The following RNFT2 variants were observed in gnomAD, a reference collection of about 807,000 sequenced individuals.
RNFT2 encodes E3 ubiquitin-protein ligase RNFT2.
RNFT2 carries 36 observed loss-of-function variants against 53.0 expected under a neutral mutation model. The observed-to-expected ratio is 0.68, with a 90% CI of 0.52 to 0.90. RNFT2 has a LOEUF of 0.90. Ranked by LOEUF, RNFT2 falls within the 40% of genes least tolerant of loss-of-function variation. The pLI is 0.00. For synonymous variants in RNFT2, 260 were observed against 253.2 expected (o/e 1.03, Z -0.26); for missense variants, 514 against 585.6 (o/e 0.88, Z 1.26).
At chr12:116,845,243 C>CAAAAA (rs66920809) in intron 10 of RNFT2, among the ~76,000 whole-genome samples, 3,206 of 82,600 alleles carry the variant, frequency 0.039, 87 homozygotes, top group African/African-American at 0.079. Context: ...GACCCGGTTT[C>CAAAAA]AAAAAAAAAA....
At chr12:116,842,469 T>C (rs867787954) in intron 10 of RNFT2, among the ~76,000 whole-genome samples, 35 of 152,316 alleles carry the variant, frequency 2.3e-4, no homozygotes, top group Middle Eastern at 6.8e-3. Flanking sequence ...TGAGTCTCAC[T>C]GACCTGTCTG....
intron 7 of RNFT2, among the ~76,000 whole-genome samples, chr12:116,787,518 C>A (rs1304769886): frequency 6.6e-6 from 1 of 152,002 alleles, no homozygotes; most frequent in Non-Finnish European, 1.5e-5. Flanking sequence ...CTAGCCTGGG[C>A]AACACAGCAA....
chr12:116,751,790 C>T (rs1872264891), intron 4 of RNFT2, among the ~76,000 whole-genome samples: 1 of 151,792 alleles, frequency 6.6e-6, no homozygotes, highest in African/African-American at 2.4e-5. Flanking sequence ...GATGGAGTCT[C>T]ACTCTGTCAC....
intron 7 of RNFT2, among the ~76,000 whole-genome samples, chr12:116,816,905 T>C (rs1197291527): frequency 1.3e-5 from 2 of 152,240 alleles, no homozygotes; most frequent in Non-Finnish European, 2.9e-5. Flanking sequence ...CTTGTGTATA[T>C]CTCCTGGGTT....
chr12:116,784,320 T>G (rs1873839134), intron 7 of RNFT2, among the ~76,000 whole-genome samples: 1 of 152,210 alleles, frequency 6.6e-6, no homozygotes, highest in Non-Finnish European at 1.5e-5. Flanking sequence ...CCTCTTACAA[T>G]TCCCCAGTTC....
rs1397999807 is a variant in RNFT2, at chr12:116,841,870, AAT to A, written c.1200+5598_1200+5599del. 2.3e-4 allele frequency among the ~76,000 whole-genome samples: 6 copies of A among 25,794 alleles called. 1 individual carries two copies. The highest frequency in any genetic ancestry group is 4.5e-4 in the Non-Finnish European group (5 of 11,232). The allele number at this position is 25,794 out of a possible 152,430, so 16.9% of individuals were successfully genotyped here. ...AAATATATATAAAAATATATATATA[AAT>A]ATATATATAAATATATATAAAAATA... On this transcript the variant is annotated intron_variant, in intron 10 of 10. Coordinates refer to ENST00000257575, the MANE Select transcript of RNFT2 (RefSeq NM_001382266.1).
chr12:116,816,424 G>A (rs1435999099), intron 7 of RNFT2, among the ~76,000 whole-genome samples: 1 of 152,184 alleles, frequency 6.6e-6, no homozygotes, highest in Non-Finnish European at 1.5e-5. Flanking sequence ...TGGCCCCTGG[G>A]ACCATAGCAC....
In RNFT2 at chr12:116,850,718, C is replaced by G. The variant is rs996910284; in HGVS notation, c.*1270C>G. The G allele has an allele frequency of 1.3e-5, 2 of 151,400 alleles. No homozygotes were observed. Among genetic ancestry groups the G allele is most frequent in the African/African-American group, 4.9e-5 (2 of 41,082 alleles). 9.4% of individuals were successfully genotyped at this position (151,400 alleles called of 1,614,324 possible). Reference sequence around the variant, plus strand: ...TCTTGGCTCACTGCAACCTCCGCCTCCCGGGTTCAAGTGATTCTCCTGCCT... The same window carrying G: ...TCTTGGCTCACTGCAACCTCCGCCTGCCGGGTTCAAGTGATTCTCCTGCCT... On this transcript the variant is annotated 3_prime_UTR_variant, in exon 11 of 11. Transcript: ENST00000257575.
chr12:116,740,140 G>C (rs554238475), intron 1 of RNFT2, among the ~76,000 whole-genome samples: 38 of 152,008 alleles, frequency 2.5e-4, no homozygotes, highest in Non-Finnish European at 4.3e-4. Flanking sequence ...CTTGAACCTG[G>C]GAGGCAGAGG....
At chr12:116,805,870 G>T (rs544282827) in intron 7 of RNFT2, among the ~76,000 whole-genome samples, 1 of 152,160 alleles carries the variant, frequency 6.6e-6, no homozygotes, top group Admixed American at 6.6e-5. Flanking sequence ...GTTCACCCAG[G>T]ATATCAAGGA....
intron 7 of RNFT2, among the ~76,000 whole-genome samples, chr12:116,784,263 T>C (rs915425964): frequency 6.6e-6 from 1 of 152,238 alleles, no homozygotes; most frequent in Admixed American, 6.5e-5. Flanking sequence ...TGGCTCTCAC[T>C]GCAGCTCACG....
chr12:116,827,112 C>T (rs1392821065), intron 7 of RNFT2, among the ~76,000 whole-genome samples: 1 of 151,310 alleles, frequency 6.6e-6, no homozygotes, highest in Non-Finnish European at 1.5e-5. Flanking sequence ...CCCAGCTACT[C>T]AGGAGGCTGA....
intron 7 of RNFT2, among the ~76,000 whole-genome samples, chr12:116,804,828 A>C (rs961919628): frequency 3.9e-5 from 6 of 152,192 alleles, no homozygotes; most frequent in Non-Finnish European, 7.3e-5. Context: ...TTAGCCAGGC[A>C]TGGTGGTACA....
chr12:116,792,206 C>T (rs1178291185), intron 7 of RNFT2, among the ~76,000 whole-genome samples: 10 of 151,642 alleles, frequency 6.6e-5, no homozygotes, highest in Admixed American at 5.9e-4. Flanking sequence ...TGCACCACCA[C>T]GCCCAGCTAA....
chr12:116,849,439 G>A lies in RNFT2; in HGVS notation c.1326G>A (p.Gln442=). The A allele has an allele frequency of 1.3e-6, 2 of 1,594,666 alleles. No individual in the cohort carries two copies. Among genetic ancestry groups the A allele is most frequent in the Middle Eastern group, 3.3e-4 (2 of 6,046 alleles). Residue 442 remains glutamine, a synonymous_variant, in exon 11 of 11, where the codon CAG becomes CAA. Transcript: ENST00000257575. ...ACGGCGCCACGTCCGCACACTTCCA[G>A]GTGTACTAGGACCGAACACTGAGGA... ...WKDGATSAHF[Q]VY is the part of the protein sequence containing the mutation.
In RNFT2 at chr12:116,761,618, A is replaced by G. The variant is rs147048841; in HGVS notation, c.628-5196A>G. On this transcript the variant is annotated intron_variant, in intron 5 of 10. Coordinates refer to ENST00000257575, the MANE Select transcript of RNFT2 (RefSeq NM_001382266.1). ...TTGCTCATCTCAGCAGGTTCATCCC[A>G]GCAACCTGGGAGGGAAACAAAATCA... 2.6e-5 allele frequency among the ~76,000 whole-genome samples: 4 copies of G among 152,296 alleles called. No individual in the cohort carries two copies. The East Asian group carries it at 7.7e-4, about 29-fold the overall frequency.
At chr12:116,775,261 CAAA>C (rs5801198) in intron 6 of RNFT2, among the ~76,000 whole-genome samples, 12 of 116,760 alleles carry the variant, frequency 1.0e-4, no homozygotes, top group Middle Eastern at 4.3e-3. Flanking sequence ...ACTCCCGTCT[CAAA>C]AAAAAAAAAA....
At chr12:116,758,393 ATTTT>A (rs968119935) in intron 5 of RNFT2, among the ~76,000 whole-genome samples, 10 of 151,616 alleles carry the variant, frequency 6.6e-5, no homozygotes, top group African/African-American at 2.4e-4. Context: ...TGGTTTTTTC[ATTTT>A]TTGTTTTTGC....
chr12:116,791,051 A>G (rs1874209069), intron 7 of RNFT2, among the ~76,000 whole-genome samples: 1 of 152,184 alleles, frequency 6.6e-6, no homozygotes, highest in South Asian at 2.1e-4. Context: ...GTGTTGTACA[A>G]CCACCACCTC....
Sources: allele counts gnomAD v4.1 joint callset (sites outside exome capture counted in the v4.1 genomes callset), GRCh38; gene constraint gnomAD v4.1.1; transcripts MANE v1.5; gene names NCBI Gene and HGNC (gene_info 2026-07-23, HGNC 2026-07-21).